The following NRXN1 variants were observed in gnomAD, a reference collection of about 807,000 sequenced individuals.
NRXN1 encodes the protein neurexin-1.
NRXN1 carries 39 observed loss-of-function variants against 150.9 expected under a neutral mutation model. That is an observed-to-expected ratio of 0.26 (90% CI 0.20 to 0.34). The LOEUF (loss-of-function observed/expected upper bound fraction) is 0.34. Ranked by LOEUF, NRXN1 falls within the 10% of genes least tolerant of loss-of-function variation. The pLI is 1.00. For missense variants in NRXN1, 1,815 were observed against 1,949.9 expected, an observed-to-expected ratio of 0.93 and a Z score of 1.30; for synonymous variants, 924 against 757.0, an observed-to-expected ratio of 1.22 and a Z score of -3.62.
At chr2:50,095,824 A>G (rs1375216648) in intron 18 of NRXN1, among the ~76,000 whole-genome samples, 10 of 150,786 alleles carry the variant, frequency 6.6e-5, no homozygotes. Context: ...TCTAGGGTAC[A>G]TGTGCACAAC....
chr2:50,822,388 G>A (rs1042071387), intron 5 of NRXN1, among the ~76,000 whole-genome samples: 11 of 152,084 alleles, frequency 7.2e-5, no homozygotes, highest in African/African-American at 2.2e-4. Flanking sequence ...ACAATTTCTA[G>A]ATTAGTTATA....
chr2:50,796,987 G>A (rs528141650), intron 5 of NRXN1, among the ~76,000 whole-genome samples: 36 of 152,250 alleles, frequency 2.4e-4, no homozygotes, highest in African/African-American at 8.7e-4. Context: ...GGAGGACACT[G>A]TGTCCTCACA....
intron 21 of NRXN1, among the ~76,000 whole-genome samples, chr2:50,042,958 C>G (rs1558756033): frequency 6.6e-6 from 1 of 152,060 alleles, no homozygotes; most frequent in South Asian, 2.1e-4. Flanking sequence ...GTATCATTAA[C>G]TAGATCACAG....
chr2:50,063,157 C>G (rs1694810899), intron 19 of NRXN1, among the ~76,000 whole-genome samples: 1 of 152,138 alleles, frequency 6.6e-6, no homozygotes, highest in African/African-American at 2.4e-5. Flanking sequence ...TAATTTTCAA[C>G]TGAATGCAAT....
chr2:50,779,909 T>C (rs557248453), intron 5 of NRXN1, among the ~76,000 whole-genome samples: 39 of 152,318 alleles, frequency 2.6e-4, no homozygotes, highest in South Asian at 6.2e-4. Context: ...GATCAAATGG[T>C]ATTTCTGATT....
chr2:50,086,160 T>G (rs1388877746), intron 19 of NRXN1, among the ~76,000 whole-genome samples: 5 of 152,122 alleles, frequency 3.3e-5, no homozygotes, highest in Non-Finnish European at 7.4e-5. Flanking sequence ...CTTTGAAAAA[T>G]TAAATTAAAC....
intron 8 of NRXN1, among the ~76,000 whole-genome samples, chr2:50,556,123 G>C (rs1009182460): frequency 2.0e-5 from 3 of 152,028 alleles, no homozygotes; most frequent in Non-Finnish European, 4.4e-5. Flanking sequence ...ATTTTGCATT[G>C]GTAGGCTTAC....
At chr2:50,425,625 C>A (rs1261363378) in intron 17 of NRXN1, among the ~76,000 whole-genome samples, 3 of 152,092 alleles carry the variant, frequency 2.0e-5, no homozygotes, top group African/African-American at 7.2e-5. Context: ...TAATGTTGAA[C>A]CCTAAATGCT....
At chr2:50,263,660 AAAAT>A (rs1219605545) in intron 17 of NRXN1, among the ~76,000 whole-genome samples, 5 of 152,268 alleles carry the variant, frequency 3.3e-5, no homozygotes, top group African/African-American at 1.2e-4. Flanking sequence ...AAGGTGAAGG[AAAAT>A]AAATAAAGAG....
intron 17 of NRXN1, among the ~76,000 whole-genome samples, chr2:50,451,070 G>A (rs1385223896): frequency 6.6e-6 from 1 of 152,054 alleles, no homozygotes; most frequent in Non-Finnish European, 1.5e-5. Flanking sequence ...GGATTCAAGG[G>A]ATCCTTCTAC....
intron 12 of NRXN1, among the ~76,000 whole-genome samples, chr2:50,521,349 T>C (rs13016362): frequency 0.21 from 31,191 of 152,004 alleles, 4,663 homozygotes; most frequent in African/African-American, 0.41. Context: ...GGAAGTGCAG[T>C]TGGAGAGTGA....
At chr2:50,004,760 C>T (rs906071215) in intron 21 of NRXN1, among the ~76,000 whole-genome samples, 3 of 152,104 alleles carry the variant, frequency 2.0e-5, no homozygotes, top group African/African-American at 7.2e-5. Flanking sequence ...GAGAATGTTA[C>T]GTGCAGAGCT....
At chr2:50,855,472 T>C (rs6750798) in intron 5 of NRXN1, among the ~76,000 whole-genome samples, 24,713 of 151,902 alleles carry the variant, frequency 0.16, 2,693 homozygotes, top group East Asian at 0.45. Context: ...CTTATGGTCT[T>C]TGTAATACTC....
At chr2:50,300,509 T>C (rs1379468678) in intron 17 of NRXN1, among the ~76,000 whole-genome samples, 1 of 152,144 alleles carries the variant, frequency 6.6e-6, no homozygotes, top group African/African-American at 2.4e-5. Flanking sequence ...CTTCCCTGTC[T>C]AGGCAGAATT....
intron 17 of NRXN1, among the ~76,000 whole-genome samples, chr2:50,437,484 G>T (rs1351717543): frequency 6.6e-6 from 1 of 152,168 alleles, no homozygotes; most frequent in Non-Finnish European, 1.5e-5. Flanking sequence ...GTCAAGAAAA[G>T]ATTTTGCTTT....
At chr2:50,924,574 T>A (rs1399134050) in intron 3 of NRXN1, among the ~76,000 whole-genome samples, 1 of 151,686 alleles carries the variant, frequency 6.6e-6, no homozygotes, top group Non-Finnish European at 1.5e-5. Flanking sequence ...ATGCACAATA[T>A]AAATGAGACT....
chr2:50,025,736 C>G (rs1033877338), intron 21 of NRXN1, among the ~76,000 whole-genome samples: 1 of 152,186 alleles, frequency 6.6e-6, no homozygotes, highest in African/African-American at 2.4e-5. Flanking sequence ...TTACAATCAT[C>G]TTGCAAACTC....
chr2:51,001,273 T>C (rs573026539), intron 2 of NRXN1, among the ~76,000 whole-genome samples: 1 of 151,594 alleles, frequency 6.6e-6, no homozygotes, highest in Admixed American at 6.6e-5. Context: ...ACAAGTCATT[T>C]TCCTAGAAAA....
chr2:50,599,430 C>T (rs1352809319), intron 8 of NRXN1, among the ~76,000 whole-genome samples: 1 of 152,144 alleles, frequency 6.6e-6, no homozygotes, highest in Non-Finnish European at 1.5e-5. Context: ...CGGTTCAATG[C>T]TCAACTATTT....
Sources: gnomAD v4.1 joint callset for allele counts (sites outside exome capture counted in the v4.1 genomes callset) on GRCh38, gnomAD v4.1.1 for gene constraint, MANE v1.5 for transcripts, NCBI Gene and HGNC (gene_info 2026-07-23, HGNC 2026-07-21) for gene names.